The following SUN1 variants were observed in gnomAD, a reference collection of about 807,000 sequenced individuals.
SUN1 encodes the protein SUN domain-containing protein 1.
A neutral mutation model predicts 103.2 loss-of-function variants in SUN1; 61 were observed. That is an observed-to-expected ratio of 0.59 (90% CI 0.48 to 0.73). SUN1 has a LOEUF of 0.73. SUN1 is among the 30% of genes least tolerant of loss of function. The pLI, the probability that SUN1 is intolerant of heterozygous loss-of-function variation, is 0.00. For synonymous variants in SUN1, 490 were observed against 425.7 expected (o/e 1.15, Z -1.86); for missense variants, 1,052 against 1,034.6 (o/e 1.02, Z -0.23).
intron 11 of SUN1, among the ~76,000 whole-genome samples, chr7:855,317 C>T (rs925341043): frequency 6.6e-6 from 1 of 152,216 alleles, no homozygotes; most frequent in Admixed American, 6.5e-5. Flanking sequence ...CTCCAGGGTG[C>T]TTCCTCACTG....
chr7:817,285 TG>T, intron 1 of SUN1: 2 of 784,094 alleles, frequency 2.6e-6, no homozygotes, highest in Non-Finnish European at 4.3e-6. Flanking sequence ...TGTAGGGTTG[TG>T]GTCTCTCCAT....
At chr7:860,685 T>A (rs955963979) in intron 14 of SUN1, among the ~76,000 whole-genome samples, 3 of 152,262 alleles carry the variant, frequency 2.0e-5, no homozygotes, top group African/African-American at 7.2e-5. Flanking sequence ...CCACACCTTC[T>A]GCAGTTCCAT....
chr7:830,851 T>G, upstream of SUN1: 4 of 687,498 alleles, frequency 5.8e-6, no homozygotes, highest in Non-Finnish European at 7.2e-6. Flanking sequence ...GAGCCCAGCT[T>G]TGGGTTGTTG....
intron 2 of SUN1, 41 bp downstream of exon 2, chr7:839,027 C>G (rs551648196): frequency 2.2e-5 from 33 of 1,469,670 alleles, no homozygotes; most frequent in Admixed American, 1.6e-4. Flanking sequence ...ATCTCTAACA[C>G]CAGTTAAAAC....
At chr7:855,329 C>T (rs1826128435) in intron 11 of SUN1, among the ~76,000 whole-genome samples, 1 of 152,214 alleles carries the variant, frequency 6.6e-6, no homozygotes, top group South Asian at 2.1e-4. Context: ...TCCTCACTGC[C>T]ACACACCCAC....
At chr7:841,643 G>C (rs4256502) in intron 2 of SUN1, among the ~76,000 whole-genome samples, 1 of 152,126 alleles carries the variant, frequency 6.6e-6, no homozygotes, top group Non-Finnish European at 1.5e-5. Context: ...AATCACAGAT[G>C]TTTTTATTTT....
At chr7:851,568 A>G in intron 6 of SUN1, 86 bp downstream of exon 6, 5 of 1,177,318 alleles carry the variant, frequency 4.2e-6, no homozygotes, top group Non-Finnish European at 6.1e-6. Context: ...ACCAAGTAAA[A>G]ATCTCATTTA....
chr7:860,521 A>G lies in SUN1; in HGVS notation c.1779+139A>G, dbSNP rs561943786. 4.9e-5 allele frequency: 69 copies of G among 1,409,374 alleles called. 1 individual carries two copies. In the African/African-American group the frequency reaches 8.8e-4, roughly 18 times the overall value. The allele number at this position is 1,409,374 out of a possible 1,614,324, so 87.3% of individuals were successfully genotyped here. ...GGTGTGCTTAGCTGACGTAAGTGAGATGAGACGTGCCTGGGCAGTGCCGTG... is the reference window on the plus strand; with the variant it reads ...GGTGTGCTTAGCTGACGTAAGTGAGGTGAGACGTGCCTGGGCAGTGCCGTG... On this transcript the variant is annotated intron_variant, in intron 14 of 18. Transcript: ENST00000401592.
chr7:854,023 C>T (rs1232721335), intron 10 of SUN1, among the ~76,000 whole-genome samples: 6 of 152,200 alleles, frequency 3.9e-5, no homozygotes, highest in South Asian at 2.1e-4. Flanking sequence ...ACGCACTTCT[C>T]GGAGGCAGCC....
At chr7:821,191 A>G (rs1401254044) in intron 1 of SUN1, among the ~76,000 whole-genome samples, 1 of 90,452 alleles carries the variant, frequency 1.1e-5, no homozygotes, top group Non-Finnish European at 2.0e-5. Context: ...TTTTTTTGAG[A>G]CAGAGTCTTG....
intron 6 of SUN1, 152 bp downstream of exon 6, chr7:851,634 T>C (rs1822280905): frequency 1.3e-6 from 1 of 744,968 alleles, no homozygotes; most frequent in Admixed American, 2.5e-5. Flanking sequence ...GACGTAGCAA[T>C]GTTAACTGAC....
At chr7:837,854 A>G (rs1216296466) in intron 1 of SUN1, among the ~76,000 whole-genome samples, 1 of 152,220 alleles carries the variant, frequency 6.6e-6, no homozygotes, top group Non-Finnish European at 1.5e-5. Context: ...TTAAACTAGA[A>G]TCACAATTGT....
chr7:836,415 A>G (rs1803257148), intron 1 of SUN1, among the ~76,000 whole-genome samples: 1 of 152,240 alleles, frequency 6.6e-6, no homozygotes, highest in Non-Finnish European at 1.5e-5. Flanking sequence ...GCAAGGCCCA[A>G]GATCTTCAGG....
At chr7:816,182 C>CAGACCCCGCCCCCAGGTGG (rs1562434792), upstream of SUN1, 2 of 245,246 alleles carry the variant, frequency 8.2e-6, no homozygotes, top group Non-Finnish European at 1.4e-5. Context: ...CTCCGCGATG[C>CAGACCCCGCCCCCAGGTGG]AGACCCCTCC....
At chr7:837,250 C>T (rs969135039) in intron 1 of SUN1, among the ~76,000 whole-genome samples, 18 of 152,156 alleles carry the variant, frequency 1.2e-4, no homozygotes, top group African/African-American at 4.1e-4. Flanking sequence ...GGGTCTGTGG[C>T]TGGAGTCGGT....
In SUN1 at chr7:842,143, G is replaced by A. The variant is rs376973725; in HGVS notation, c.451+13G>A. On this transcript the variant is annotated intron_variant, in intron 3 of 18. Transcript: ENST00000401592. ...GACCACTTCTGGGGTGAGTCCCTGC[G>A]AGACACAGATTGTCCCGCCTACAGT... The A allele has an allele frequency of 1.4e-4, 219 of 1,606,126 alleles. 1 individual carries two copies. In the Middle Eastern group the frequency reaches 1.8e-3, roughly 13 times the overall value.
At chr7:828,085 A>T (rs557417788), upstream of SUN1, among the ~76,000 whole-genome samples, 1 of 145,784 alleles carries the variant, frequency 6.9e-6, no homozygotes, top group South Asian at 2.2e-4. Context: ...TGTATTTTTA[A>T]TAGAGGGGTG....
In SUN1 at chr7:832,551, C is replaced by T. The variant is rs1258593821; in HGVS notation, c.27C>T (p.Tyr9=). MDFSRLHM[Y]SPPQCVPENT... is the part of the protein sequence containing the mutation. Reference sequence around the variant, plus strand: ...TGGATTTTTCTCGGCTTCACATGTACAGTCCTCCCCAGTGTGTGCCGGAGA... The same window carrying T: ...TGGATTTTTCTCGGCTTCACATGTATAGTCCTCCCCAGTGTGTGCCGGAGA... The change falls in exon 1 of 19, where the codon TAC becomes TAT. Residue 9 remains tyrosine, a synonymous_variant. Transcript: ENST00000401592. 1.2e-6 allele frequency: 2 copies of T among 1,613,298 alleles called. No individual in the cohort carries two copies. The highest frequency in any genetic ancestry group is 1.1e-5 in the South Asian group (1 of 90,864).
intron 1 of SUN1, among the ~76,000 whole-genome samples, chr7:820,735 G>T (rs1785107710): frequency 6.6e-6 from 1 of 152,158 alleles, no homozygotes; most frequent in Non-Finnish European, 1.5e-5. Flanking sequence ...CTGGCTTGTT[G>T]AGTGTTTTTA....
Sources: allele counts gnomAD v4.1 joint callset (sites outside exome capture counted in the v4.1 genomes callset), GRCh38; gene constraint gnomAD v4.1.1; transcripts MANE v1.5; gene names NCBI Gene and HGNC (gene_info 2026-07-23, HGNC 2026-07-21).